Variants in WDR70 observed in about 807,000 individuals in gnomAD.
The protein encoded by WDR70 is WD repeat domain 70.
In WDR70, 53 loss-of-function variants were observed where a neutral mutation model predicts 88.6. The ratio of observed to expected loss-of-function variants is 0.60; its 90% CI spans 0.48 to 0.75. The LOEUF (loss-of-function observed/expected upper bound fraction) is 0.75. Among genes scored for constraint, WDR70 ranks in the 30% least tolerant of loss-of-function variants. The pLI, the probability that WDR70 is intolerant of heterozygous loss-of-function variation, is 0.00. For missense variants in WDR70, 610 were observed against 823.2 expected (o/e 0.74, Z 3.17); for synonymous variants, 280 against 270.0 (o/e 1.04, Z -0.36).
At chr5:37,426,960 G>C (rs2112010174) in intron 5 of WDR70, among the ~76,000 whole-genome samples, 1 of 152,092 alleles carries the variant, frequency 6.6e-6, no homozygotes. Flanking sequence ...ATTTTTTTTA[G>C]AGATGGGGTT....
chr5:37,417,210 T>C (rs1251002344), intron 5 of WDR70, among the ~76,000 whole-genome samples: 1 of 152,168 alleles, frequency 6.6e-6, no homozygotes, highest in East Asian at 1.9e-4. Context: ...TATAGTCTCT[T>C]TACTTACAAG....
intron 9 of WDR70, among the ~76,000 whole-genome samples, chr5:37,587,468 A>C (rs10941345): frequency 0.47 from 71,026 of 151,464 alleles, 18,216 homozygotes; most frequent in Non-Finnish European, 0.58. Context: ...CTAGTCTGTA[A>C]ATTTCAGCCA....
In WDR70 at chr5:37,392,619, C is replaced by T. The variant is rs374861817; in HGVS notation, c.296+499C>T. ...TCATTCTCCCAAAGTCCTGGGATAA[C>T]AGGTGTCAGCTACTGGGCCTGGCCT... is the stretch of plus-strand genomic sequence containing the variant. On this transcript the variant is annotated intron_variant, in intron 4 of 17. Coordinates refer to ENST00000265107, the MANE Select transcript of WDR70 (RefSeq NM_018034.4). Among the ~76,000 whole-genome samples the T allele has an allele frequency of 6.6e-5, 10 of 151,980 alleles. No homozygotes were observed. The East Asian group carries it at 9.7e-4, about 15-fold the overall frequency.
intron 8 of WDR70, among the ~76,000 whole-genome samples, chr5:37,487,621 A>ATTTTTTTTTTTTTTT (rs1561871968): frequency 2.1e-4 from 8 of 37,688 alleles, no homozygotes; most frequent in African/African-American, 5.1e-4. Context: ...ATATATATAT[A>ATTTTTTTTTTTTTTT]TATGTATTTT....
chr5:37,669,526 G>A (rs1338411750), intron 10 of WDR70, among the ~76,000 whole-genome samples: 1 of 152,034 alleles, frequency 6.6e-6, no homozygotes, highest in Non-Finnish European at 1.5e-5. Context: ...TATCCTCCTG[G>A]GCAATGAGTG....
chr5:37,637,426 C>G (rs1450440348), intron 10 of WDR70, among the ~76,000 whole-genome samples: 1 of 151,782 alleles, frequency 6.6e-6, no homozygotes, highest in African/African-American at 2.4e-5. Flanking sequence ...TTGAAATACC[C>G]TTGTTGGTGT....
intron 10 of WDR70, among the ~76,000 whole-genome samples, chr5:37,683,650 A>G (rs546246586): frequency 2.0e-5 from 3 of 152,154 alleles, no homozygotes; most frequent in Non-Finnish European, 4.4e-5. Context: ...CTTTTCTCTA[A>G]GAATGTTGAA....
intron 9 of WDR70, among the ~76,000 whole-genome samples, chr5:37,536,699 C>G (rs955110426): frequency 1.3e-5 from 2 of 151,866 alleles, no homozygotes; most frequent in African/African-American, 4.8e-5. Flanking sequence ...TTTTATTGTG[C>G]AGAAGTTTAT....
chr5:37,716,469 C>T (rs1287729796), intron 13 of WDR70, among the ~76,000 whole-genome samples: 1 of 152,134 alleles, frequency 6.6e-6, no homozygotes, highest in African/African-American at 2.4e-5. Flanking sequence ...CAGCTACCTT[C>T]TTTCTGCCCC....
At chr5:37,685,458 G>C (rs1746560550) in intron 10 of WDR70, among the ~76,000 whole-genome samples, 1 of 152,018 alleles carries the variant, frequency 6.6e-6, no homozygotes, top group Non-Finnish European at 1.5e-5. Flanking sequence ...AGGCCCCCAG[G>C]GTTGCCGAGG....
intron 7 of WDR70, among the ~76,000 whole-genome samples, chr5:37,453,065 C>T (rs1738723104): frequency 6.6e-6 from 1 of 152,172 alleles, no homozygotes; most frequent in South Asian, 2.1e-4. Flanking sequence ...CTTGGTCTAC[C>T]AGTATAAAAA....
intron 10 of WDR70, among the ~76,000 whole-genome samples, chr5:37,622,490 G>C (rs1294958700): frequency 2.0e-5 from 3 of 151,850 alleles, no homozygotes; most frequent in East Asian, 1.9e-4. Flanking sequence ...TTGGAACCAA[G>C]CCAAATGTCC....
At chr5:37,734,678 G>A (rs1216960839) in intron 17 of WDR70, among the ~76,000 whole-genome samples, 1 of 152,024 alleles carries the variant, frequency 6.6e-6, no homozygotes, top group Non-Finnish European at 1.5e-5. Context: ...ACAGTGGTCA[G>A]GGAAGAACGT....
chr5:37,462,570 A>G lies in WDR70; in HGVS notation c.687-17264A>G, dbSNP rs186206426. ...GCCCGCCTCGGCCTCCCAAAGTGTT[A>G]GGATTACAGGCGTGAGCCACCGCAC... On this transcript the variant is annotated intron_variant, in intron 7 of 17. Transcript: ENST00000265107. 7.9e-3 allele frequency among the ~76,000 whole-genome samples: 1,208 copies of G among 152,250 alleles called. 16 individuals are homozygous for G. The highest frequency in any genetic ancestry group is 0.028 in the African/African-American group (1,147 of 41,550).
At chr5:37,415,107 A>T (rs1413075929) in intron 5 of WDR70, among the ~76,000 whole-genome samples, 1 of 150,498 alleles carries the variant, frequency 6.6e-6, no homozygotes, top group Non-Finnish European at 1.5e-5. Flanking sequence ...GGGTAAGGTC[A>T]TAGATCAACA....
chr5:37,697,496 T>C (rs938130783), intron 10 of WDR70, among the ~76,000 whole-genome samples, 159 bp from the exon 11 acceptor site: 1 of 152,246 alleles, frequency 6.6e-6, no homozygotes, highest in African/African-American at 2.4e-5. Context: ...CATTTGGTTT[T>C]TCTTTTTTTT....
intron 9 of WDR70, among the ~76,000 whole-genome samples, chr5:37,522,980 G>T (rs546808175): frequency 6.6e-6 from 1 of 152,214 alleles, no homozygotes; most frequent in East Asian, 1.9e-4. Flanking sequence ...CAAAGCAGCC[G>T]AGAAGCTTAA....
chr5:37,620,263 GTTT>G (rs1318887307), intron 10 of WDR70, among the ~76,000 whole-genome samples: 6 of 100,108 alleles, frequency 6.0e-5, no homozygotes, highest in Non-Finnish European at 1.3e-4. Flanking sequence ...TGAGTAATCT[GTTT>G]TTTGTTTGTT....
intron 10 of WDR70, among the ~76,000 whole-genome samples, chr5:37,669,162 A>G (rs1333122098): frequency 6.6e-6 from 1 of 152,136 alleles, no homozygotes; most frequent in Non-Finnish European, 1.5e-5. Context: ...CTTTTTATTT[A>G]TATATCTCAG....
Sources: gnomAD v4.1 joint callset for allele counts (sites outside exome capture counted in the v4.1 genomes callset) on GRCh38, gnomAD v4.1.1 for gene constraint, MANE v1.5 for transcripts, NCBI Gene and HGNC (gene_info 2026-07-23, HGNC 2026-07-21) for gene names.